The following PSTK variants were observed in gnomAD, a reference collection of about 807,000 sequenced individuals.
PSTK encodes L-seryl-tRNA(Sec) kinase.
Under a neutral mutation model 38.6 loss-of-function variants are expected in PSTK, and 26 were observed. That is an observed-to-expected ratio of 0.67 (90% CI 0.49 to 0.94). The LOEUF (loss-of-function observed/expected upper bound fraction) is 0.94. PSTK is among the 40% of genes least tolerant of loss of function. The pLI, the probability that PSTK is intolerant of heterozygous loss-of-function variation, is 0.00. For synonymous variants in PSTK, 181 were observed against 161.7 expected (o/e 1.12, Z -0.91); for missense variants, 445 against 436.3 (o/e 1.02, Z -0.18).
Position 122,990,109 on chromosome 10 carries a change from TG to T in PSTK, c.878-64del, listed in dbSNP as rs1269652557. 6.6e-6 allele frequency: 7 copies of T among 1,056,710 alleles called. No homozygotes were observed. The Admixed American group carries it at 2.3e-4, about 35-fold the overall frequency. The allele number at this position is 1,056,710 out of a possible 1,614,324, so 65.5% of individuals were successfully genotyped here. ...TTGTTTAATCAAATTAATTTCCTAA[TG>T]TCATTAGACACCCCGGATTACTTTA... On this transcript the variant is annotated intron_variant, in intron 5 of 5. Transcript: ENST00000406217.
chr10:122,980,473 G>A lies in PSTK; in HGVS notation c.-7G>A. 1.3e-6 allele frequency: 2 copies of A among 1,589,766 alleles called. No individual in the cohort carries two copies. The highest frequency in any genetic ancestry group is 1.7e-6 in the Non-Finnish European group (2 of 1,172,274). On this transcript the variant is annotated 5_prime_UTR_variant, in exon 1 of 6. Transcript: ENST00000406217. The surrounding 1 kb of genome is among the most constrained non-coding windows in gnomAD (Gnocchi z 4.3). Reference sequence around the variant, plus strand: ...GCTCCCAGACTCCTCCGGTCTCCCCGGGCAGCATGAAGACCGCCGAGAACA... The same window carrying A: ...GCTCCCAGACTCCTCCGGTCTCCCCAGGCAGCATGAAGACCGCCGAGAACA...
intron 3 of PSTK, chr10:122,985,063 A>T (rs1240656070): frequency 6.6e-6 from 1 of 152,174 alleles, no homozygotes; most frequent in Non-Finnish European, 1.5e-5. Flanking sequence ...CTCGCTTAAA[A>T]CTTTTTAGTG....
chr10:122,982,388 C>T (rs1210743803), intron 1 of PSTK: 1 of 204,534 alleles, frequency 4.9e-6, no homozygotes. Context: ...ATGCAATGGA[C>T]AGTGATCTAG....
At chr10:122,986,562 T>C in intron 4 of PSTK, 187 bp downstream of exon 4, 1 of 613,192 alleles carries the variant, frequency 1.6e-6, no homozygotes, top group Non-Finnish European at 2.9e-6. Flanking sequence ...TTCAAAAGTG[T>C]TGGAGCCTGT....
In PSTK at chr10:122,983,003, G is replaced by A; in HGVS notation, c.487G>A (p.Val163Ile). 6.2e-7 allele frequency: 1 copy of A among 1,611,854 alleles called. No individual in the cohort carries two copies. The highest frequency in any genetic ancestry group is 1.1e-5 in the South Asian group (1 of 90,832). ...TTATTATCAGAGTATGAGATATGAA[G>A]TCTACCAGCTGGCTCGGAAATGTAA... ...NFYYQSMRYE[V>I]YQLARKYSLG... The change falls in exon 2 of 6, where the codon GTC (valine) becomes ATC (isoleucine). Residue 163 changes from valine to isoleucine, a missense_variant. Physicochemically the swap from Val to Ile is conservative, Grantham distance 29. Coordinates refer to ENST00000406217, the MANE Select transcript of PSTK (RefSeq NM_001363531.2).
intron 1 of PSTK, among the ~76,000 whole-genome samples, chr10:122,981,782 C>A (rs1458248237): frequency 6.6e-6 from 1 of 152,170 alleles, no homozygotes; most frequent in Admixed American, 6.5e-5. Flanking sequence ...TGAAAGTTGT[C>A]GATAGGGATT....
chr10:122,987,534 C>T (rs1849052680), intron 5 of PSTK: 3 of 1,609,266 alleles, frequency 1.9e-6, no homozygotes, highest in Admixed American at 1.7e-5. Context: ...AGTCAGGGGC[C>T]AGGTGTAAGA....
chr10:122,982,700 T>A (rs1848977309), intron 1 of PSTK, 33 bp from the exon 2 acceptor site: 5 of 1,604,210 alleles, frequency 3.1e-6, no homozygotes, highest in Non-Finnish European at 4.3e-6. Context: ...CCTAGTGGCC[T>A]AATATGAATT....
Position 122,980,613 on chromosome 10 carries a change from A to G in PSTK, c.134A>G (p.Glu45Gly). The change falls in exon 1 of 6, where the codon GAG (glutamate) becomes GGG (glycine). Residue 45 changes from glutamate (E) to glycine (G), a missense_variant. Transcript: ENST00000406217. The surrounding 1 kb of genome is among the most constrained non-coding windows in gnomAD (Gnocchi z 4.3). ...ARALAHRLQQEQGWAIGVVAY... is the reference protein window; with the variant it reads ...ARALAHRLQQGQGWAIGVVAY... ...GCCCTCGCCCACCGGCTGCAGCAGG[A>G]GCAGGGTTGGGCCATCGGTGTTGTC... 5.0e-6 allele frequency: 8 copies of G among 1,612,118 alleles called. No homozygotes were observed. Among genetic ancestry groups the G allele is most frequent in the Non-Finnish European group, 6.8e-6 (8 of 1,179,614 alleles).
At chr10:122,982,478 T>C (rs1161300100) in intron 1 of PSTK, 2 of 489,110 alleles carry the variant, frequency 4.1e-6, no homozygotes, top group African/African-American at 3.9e-5. Context: ...TGGGGTTTCA[T>C]GATGGGCAAG....
rs1344390648 is a variant in PSTK at position 122,983,435 on chromosome 10, C to T, written c.672C>T (p.Leu224=). Residue 224 remains leucine, a synonymous_variant, in exon 3 of 6, where the codon CTC becomes CTT. Coordinates refer to ENST00000406217, the MANE Select transcript of PSTK (RefSeq NM_001363531.2). ...PEKNAWEHNS[L]TIPSPACASE... Reference sequence around the variant, plus strand: ...AAAATGCTTGGGAACACAACAGCCTCACAATTCCGAGTCCAGCATGTGCTT... The same window carrying T: ...AAAATGCTTGGGAACACAACAGCCTTACAATTCCGAGTCCAGCATGTGCTT... The T allele has an allele frequency of 2.5e-6, 4 of 1,613,848 alleles. No individual in the cohort carries two copies. The Admixed American group carries it at 5.0e-5, about 20-fold the overall frequency.
intron 5 of PSTK, chr10:122,987,519 A>T: frequency 6.2e-7 from 1 of 1,611,958 alleles, no homozygotes; most frequent in Non-Finnish European, 8.5e-7. Context: ...GAAGGGGGGA[A>T]AGGTAGTCAG....
At chr10:122,989,100 A>T (rs1035024599) in intron 5 of PSTK, among the ~76,000 whole-genome samples, 11 of 145,912 alleles carry the variant, frequency 7.5e-5, no homozygotes, top group African/African-American at 1.5e-4. Flanking sequence ...GACCAAGTGT[A>T]TGTATACTTC....
At chr10:122,983,515 G>A in intron 3 of PSTK, 45 bp downstream of exon 3, 1 of 1,555,166 alleles carries the variant, frequency 6.4e-7, no homozygotes, top group African/African-American at 1.4e-5. Context: ...CCTGTGCCAG[G>A]TATCATGGTC....
rs760749119 is a variant in PSTK, at chr10:122,983,028, A to G, written c.508+4A>G. 2 of 1,598,202 alleles carry G rather than the reference A, an allele frequency of 1.3e-6. No individual in the cohort carries two copies. The highest frequency in any genetic ancestry group is 2.2e-5 in the East Asian group (1 of 44,742). ...GTCTACCAGCTGGCTCGGAAATGTAATTAAAACTTTTTTTTTCTTACACAT... is the reference window on the plus strand; with the variant it reads ...GTCTACCAGCTGGCTCGGAAATGTAGTTAAAACTTTTTTTTTCTTACACAT... On this transcript the variant is annotated splice_donor_region_variant and intron_variant, in intron 2 of 5. Transcript: ENST00000406217.
chr10:122,981,165 G>C (rs1848954896), intron 1 of PSTK, among the ~76,000 whole-genome samples: 1 of 152,132 alleles, frequency 6.6e-6, no homozygotes, highest in African/African-American at 2.4e-5. Context: ...TTAAGAAAAG[G>C]AATAAAAACT....
chr10:122,990,193 C>A lies in PSTK; in HGVS notation c.897C>A (p.His299Gln). ...KEAKDEQVLP[H>Q]NLKLLAEELN... The stretch of plus-strand genomic sequence containing the variant: ...TTTTAGATGAACAAGTGCTTCCTCA[C>A]AACTTGAAGCTTCTAGCAGAAGAAC... Residue 299 changes from histidine to glutamine, a missense_variant, in exon 6 of 6, where the codon CAC (histidine) becomes CAA (glutamine). By Grantham distance (24) the His-to-Gln change is conservative. Transcript: ENST00000406217. 6.6e-7 allele frequency: 1 copy of A among 1,520,650 alleles called. No homozygotes were observed. Among genetic ancestry groups the A allele is most frequent in the Non-Finnish European group, 8.8e-7 (1 of 1,138,526 alleles). The allele number at this position is 1,520,650 out of a possible 1,614,324, so 94.2% of individuals were successfully genotyped here. A position where few individuals can be genotyped will look rare whatever the true frequency, so the allele number is the denominator to read the frequency against.
At chr10:122,981,538 A>G (rs1337136144) in intron 1 of PSTK, among the ~76,000 whole-genome samples, 1 of 152,212 alleles carries the variant, frequency 6.6e-6, no homozygotes, top group Non-Finnish European at 1.5e-5. Flanking sequence ...AAATGTTAAC[A>G]TTATTATTTT....
intron 5 of PSTK, among the ~76,000 whole-genome samples, chr10:122,988,551 C>T (rs1463618491): frequency 6.6e-6 from 1 of 152,146 alleles, no homozygotes; most frequent in Non-Finnish European, 1.5e-5. Flanking sequence ...TCATAAGGGA[C>T]TTGTATCCAA....
Sources: allele counts gnomAD v4.1 joint callset (sites outside exome capture counted in the v4.1 genomes callset), GRCh38; gene constraint gnomAD v4.1.1; non-coding constraint Gnocchi (gnomAD v3.1); transcripts MANE v1.5; gene names NCBI Gene and HGNC (gene_info 2026-07-23, HGNC 2026-07-21).